Variants in ERP44 observed in about 807,000 individuals in gnomAD.
ERP44 encodes the protein endoplasmic reticulum resident protein 44.
A neutral mutation model predicts 53.4 loss-of-function variants in ERP44; 25 were observed. The ratio of observed to expected loss-of-function variants is 0.47; its 90% CI spans 0.34 to 0.65. The LOEUF is 0.65. ERP44 is among the 30% of genes least tolerant of loss of function. The pLI is 0.01. For missense variants in ERP44, 338 were observed against 493.2 expected (o/e 0.69, Z 2.98); for synonymous variants, 145 against 161.2 (o/e 0.90, Z 0.76).
chr9:99,988,284 A>G (rs1587953723), intron 10 of ERP44, among the ~76,000 whole-genome samples: 2 of 152,346 alleles, frequency 1.3e-5, no homozygotes, highest in Admixed American at 6.5e-5. Flanking sequence ...AGACCAATTT[A>G]TAAATGATTT....
chr9:100,084,093 CAG>C (rs1826455922), intron 1 of ERP44, among the ~76,000 whole-genome samples: 1 of 152,128 alleles, frequency 6.6e-6, no homozygotes, highest in Non-Finnish European at 1.5e-5. Flanking sequence ...GAAATGCTCT[CAG>C]AGTCTTACAG....
intron 10 of ERP44, among the ~76,000 whole-genome samples, chr9:99,988,172 T>A (rs1289581465): frequency 2.0e-5 from 3 of 152,242 alleles, no homozygotes; most frequent in Non-Finnish European, 4.4e-5. Flanking sequence ...AAATATATAC[T>A]AATGATGTTG....
chr9:100,043,142 C>CCAG (rs1170714444), intron 4 of ERP44, among the ~76,000 whole-genome samples: 1 of 150,684 alleles, frequency 6.6e-6, no homozygotes, highest in African/African-American at 2.4e-5. Context: ...ACCTGTAGTC[C>CCAG]CAGCTACTCA....
At chr9:99,988,804 G>A (rs189866903) in intron 10 of ERP44, among the ~76,000 whole-genome samples, 85 of 152,260 alleles carry the variant, frequency 5.6e-4, no homozygotes, top group African/African-American at 1.7e-3. Context: ...AGACTGTACC[G>A]GAAAAAACAG....
At chr9:100,013,014 A>G (rs976449717) in intron 8 of ERP44, among the ~76,000 whole-genome samples, 1 of 152,060 alleles carries the variant, frequency 6.6e-6, no homozygotes, top group Non-Finnish European at 1.5e-5. Flanking sequence ...TCTCAAGACA[A>G]AGAGGGGGCA....
At chr9:100,010,634 G>A (rs1241693893) in intron 8 of ERP44, among the ~76,000 whole-genome samples, 1 of 152,152 alleles carries the variant, frequency 6.6e-6, no homozygotes, top group Non-Finnish European at 1.5e-5. Context: ...GGGCACGGTG[G>A]CTCACACCTG....
chr9:100,036,969 CAA>C (rs988805370), intron 4 of ERP44, among the ~76,000 whole-genome samples: 1 of 151,972 alleles, frequency 6.6e-6, no homozygotes, highest in African/African-American at 2.4e-5. Context: ...GTCCCTCCTG[CAA>C]AGACACCAAT....
At chr9:100,059,628 C>G (rs893211211) in intron 2 of ERP44, among the ~76,000 whole-genome samples, 1 of 152,056 alleles carries the variant, frequency 6.6e-6, no homozygotes, top group African/African-American at 2.4e-5. Context: ...GTGGTCAAGG[C>G]TGAAGTGAGC....
At chr9:100,070,386 G>T (rs572423940) in intron 1 of ERP44, among the ~76,000 whole-genome samples, 1 of 152,114 alleles carries the variant, frequency 6.6e-6, no homozygotes, top group Non-Finnish European at 1.5e-5. Context: ...GAGAAAGAAG[G>T]TTCTCTCATT....
At chr9:100,041,117 A>G (rs1445575462) in intron 4 of ERP44, among the ~76,000 whole-genome samples, 1 of 152,152 alleles carries the variant, frequency 6.6e-6, no homozygotes, top group African/African-American at 2.4e-5. Flanking sequence ...TCAAAATACC[A>G]ATGACATTCT....
Position 100,098,773 on chromosome 9 carries a change from C to T in ERP44, c.57+11G>A, listed in dbSNP as rs921315630. ...TGCGTTTGTCGATGGGTCTGTCATT[C>T]CCTCACTCACCAGGAGCAGAAGGGA... On this transcript the variant is annotated intron_variant, in intron 1 of 11. Coordinates refer to ENST00000262455, the MANE Select transcript of ERP44 (RefSeq NM_015051.3). The T allele has an allele frequency of 4.0e-5, 65 of 1,612,360 alleles. No individual in the cohort carries two copies. Among genetic ancestry groups the T allele is most frequent in the Non-Finnish European group, 5.3e-5 (62 of 1,178,592 alleles).
At position 99,996,985 on chromosome 9, in the gene ERP44, A is replaced by ATG. The variant is rs545716668; in HGVS notation, c.1016+9519_1016+9520dup. Among the ~76,000 whole-genome samples the ATG allele has an allele frequency of 6.9e-3, 664 of 95,868 alleles. 5 individuals carry two copies. Among genetic ancestry groups the ATG allele is most frequent in the East Asian group, 0.068 (91 of 1,340 alleles). 62.9% of individuals were successfully genotyped at this position (95,868 alleles called of 152,430 possible). The stretch of plus-strand genomic sequence containing the variant: ...TATGTACACATACACACGTATGTAT[A>ATG]TGTGTGTGTATATATATATATATAT... On this transcript the variant is annotated intron_variant, in intron 10 of 11. Transcript: ENST00000262455.
chr9:100,001,459 T>A (rs1830375925), intron 10 of ERP44, among the ~76,000 whole-genome samples: 1 of 152,224 alleles, frequency 6.6e-6, no homozygotes, highest in African/African-American at 2.4e-5. Context: ...CTACTATTAC[T>A]GTATTATAGT....
intron 3 of ERP44, among the ~76,000 whole-genome samples, chr9:100,054,007 G>GTA (rs771093681): frequency 2.1e-4 from 32 of 152,102 alleles, no homozygotes; most frequent in South Asian, 1.0e-3. Context: ...ATTTCTTCTT[G>GTA]TATATATATA....
intron 1 of ERP44, among the ~76,000 whole-genome samples, chr9:100,066,886 C>T (rs774727809): frequency 4.6e-5 from 7 of 152,174 alleles, no homozygotes; most frequent in Non-Finnish European, 8.8e-5. Context: ...AATCAAGGCA[C>T]ATCTCACACT....
Position 99,979,600 on chromosome 9 carries a change from T to C in ERP44, c.*3012A>G. The C allele has an allele frequency of 4.8e-6, 1 of 210,368 alleles. No individual in the cohort carries two copies. The highest frequency in any genetic ancestry group is 9.4e-6 in the Non-Finnish European group (1 of 106,692). 13.0% of individuals were successfully genotyped at this position (210,368 alleles called of 1,614,324 possible). ...ATGTCATCTAAAAGTTTCCATCCTT[T>C]TATGGTCCCCCTCACAATTTGAAAA... On this transcript the variant is annotated 3_prime_UTR_variant, in exon 12 of 12. Coordinates refer to ENST00000262455, the MANE Select transcript of ERP44 (RefSeq NM_015051.3).
At chr9:99,998,315 C>A in intron 10 of ERP44, 1 of 483,100 alleles carries the variant, frequency 2.1e-6, no homozygotes, top group Non-Finnish European at 3.9e-6. Flanking sequence ...TCTGCCTCTT[C>A]CCTGTTCTCA....
At chr9:100,059,654 C>T (rs528135897) in intron 2 of ERP44, among the ~76,000 whole-genome samples, 17 of 152,176 alleles carry the variant, frequency 1.1e-4, no homozygotes, top group Admixed American at 3.3e-4. Flanking sequence ...TATTATCATG[C>T]CACTGCACTC....
intron 10 of ERP44, among the ~76,000 whole-genome samples, chr9:100,004,405 C>T (rs935408146): frequency 3.9e-5 from 6 of 152,338 alleles, no homozygotes; most frequent in Non-Finnish European, 8.8e-5. Flanking sequence ...GAGACTGAGT[C>T]TGCTGGGCAG....
Sources: gnomAD v4.1 joint callset for allele counts (sites outside exome capture counted in the v4.1 genomes callset) on GRCh38, gnomAD v4.1.1 for gene constraint, MANE v1.5 for transcripts, NCBI Gene and HGNC (gene_info 2026-07-23, HGNC 2026-07-21) for gene names.